The following ROBO2 variants were observed in gnomAD, a reference collection of about 807,000 sequenced individuals.
The protein encoded by ROBO2 is roundabout homolog 2.
ROBO2 carries 53 observed loss-of-function variants against 160.8 expected under a neutral mutation model. That is an observed-to-expected ratio of 0.33 (90% confidence interval 0.26 to 0.41). The LOEUF is 0.41. Ranked by LOEUF, ROBO2 falls within the 10% of genes least tolerant of loss-of-function variation. ROBO2 has a pLI of 1.00. For missense variants in ROBO2, 1,577 were observed against 1,722.4 expected (o/e 0.92, Z 1.49); for synonymous variants, 664 against 611.7 (o/e 1.09, Z -1.26).
At chr3:76,233,850 G>T (rs2107482857) in intron 2 of ROBO2, among the ~76,000 whole-genome samples, 1 of 152,250 alleles carries the variant, frequency 6.6e-6, no homozygotes, top group South Asian at 2.1e-4. Context: ...AGGGTTACAT[G>T]TGCAGCTTTG....
intron 2 of ROBO2, among the ~76,000 whole-genome samples, chr3:76,452,421 G>A (rs903691276): frequency 4.6e-5 from 7 of 151,868 alleles, no homozygotes; most frequent in Non-Finnish European, 8.8e-5. Context: ...GAGAACATGC[G>A]GTGTTTGTTT....
intron 2 of ROBO2, among the ~76,000 whole-genome samples, chr3:76,919,270 A>G (rs2076521582): frequency 6.6e-6 from 1 of 152,190 alleles, no homozygotes. Flanking sequence ...ACAATTTTTG[A>G]TAATTTTCCA....
At chr3:76,900,781 T>C (rs113191183) in intron 2 of ROBO2, among the ~76,000 whole-genome samples, 2 of 152,314 alleles carry the variant, frequency 1.3e-5, no homozygotes, top group African/African-American at 4.8e-5. Context: ...AAGCCTGGAA[T>C]TTCCAAGTTC....
chr3:77,242,166 G>A (rs2089143100), intron 2 of ROBO2, among the ~76,000 whole-genome samples: 1 of 152,106 alleles, frequency 6.6e-6, no homozygotes, highest in Admixed American at 6.6e-5. Context: ...CACATTTGAA[G>A]TAAGATTGGA....
intron 2 of ROBO2, among the ~76,000 whole-genome samples, chr3:76,033,579 CATT>C (rs1372348221): frequency 2.6e-5 from 4 of 152,204 alleles, no homozygotes; most frequent in Non-Finnish European, 5.9e-5. Context: ...TTTTACTACT[CATT>C]GTTATTTATA....
chr3:76,096,019 C>G (rs999065897), intron 2 of ROBO2, among the ~76,000 whole-genome samples: 2 of 152,100 alleles, frequency 1.3e-5, no homozygotes, highest in Non-Finnish European at 2.9e-5. Context: ...AGAATATCCT[C>G]ATAAGGTATA....
chr3:76,512,782 C>T (rs1411014603), intron 2 of ROBO2, among the ~76,000 whole-genome samples: 1 of 152,036 alleles, frequency 6.6e-6, no homozygotes, highest in Non-Finnish European at 1.5e-5. Context: ...GACTTGGGTT[C>T]CATCCTCAAA....
intron 2 of ROBO2, among the ~76,000 whole-genome samples, chr3:76,365,704 G>A (rs2075776133): frequency 6.6e-6 from 1 of 152,014 alleles, no homozygotes; most frequent in Admixed American, 6.6e-5. Context: ...TCCATAAAAT[G>A]TATTGCAAAT....
At chr3:77,351,915 G>A (rs543603874) in intron 2 of ROBO2, among the ~76,000 whole-genome samples, 1 of 151,768 alleles carries the variant, frequency 6.6e-6, no homozygotes, top group African/African-American at 2.4e-5. Flanking sequence ...CATGGACACA[G>A]GAAGGGGAAC....
intron 2 of ROBO2, among the ~76,000 whole-genome samples, chr3:76,389,495 A>G (rs991978553): frequency 3.9e-5 from 6 of 152,248 alleles, no homozygotes; most frequent in African/African-American, 1.4e-4. Context: ...GGAAGATACC[A>G]TCTTGAACTA....
chr3:76,807,769 T>C (rs1298800712), intron 2 of ROBO2, among the ~76,000 whole-genome samples: 1 of 152,110 alleles, frequency 6.6e-6, no homozygotes, highest in Non-Finnish European at 1.5e-5. Context: ...CAGTTATATG[T>C]ATTCTAAAGA....
At chr3:77,436,197 G>C (rs1043109821) in intron 2 of ROBO2, among the ~76,000 whole-genome samples, 1 of 151,510 alleles carries the variant, frequency 6.6e-6, no homozygotes. Flanking sequence ...ATATTGGGCT[G>C]ATGAGAGATT....
chr3:77,353,028 A>G (rs923432573), intron 2 of ROBO2, among the ~76,000 whole-genome samples: 1 of 152,212 alleles, frequency 6.6e-6, no homozygotes, highest in African/African-American at 2.4e-5. Context: ...TATCCACAGA[A>G]TTATTTTTAG....
At chr3:77,141,834 C>T (rs1646423134) in intron 2 of ROBO2, among the ~76,000 whole-genome samples, 2 of 152,170 alleles carry the variant, frequency 1.3e-5, no homozygotes, top group South Asian at 4.1e-4. Flanking sequence ...ATTTCTGCTA[C>T]ATCCTTGGGT....
intron 2 of ROBO2, among the ~76,000 whole-genome samples, chr3:76,879,613 C>A (rs2073139728): frequency 6.6e-6 from 1 of 151,902 alleles, no homozygotes; most frequent in African/African-American, 2.4e-5. Flanking sequence ...AAGATCAAAG[C>A]AAACAAACAC....
intron 2 of ROBO2, among the ~76,000 whole-genome samples, chr3:76,366,861 A>G (rs2075838770): frequency 6.6e-6 from 1 of 152,002 alleles, no homozygotes; most frequent in Non-Finnish European, 1.5e-5. Flanking sequence ...AGATTGCTTT[A>G]TATAGCATTA....
intron 2 of ROBO2, among the ~76,000 whole-genome samples, chr3:76,913,203 A>G (rs546926103): frequency 2.0e-5 from 3 of 152,300 alleles, no homozygotes; most frequent in Non-Finnish European, 4.4e-5. Flanking sequence ...CCCTCCCCAT[A>G]AAACTGCCCG....
chr3:77,621,430 A>G (rs1039576404), intron 22 of ROBO2, among the ~76,000 whole-genome samples: 3 of 140,804 alleles, frequency 2.1e-5, no homozygotes, highest in African/African-American at 7.9e-5. Flanking sequence ...CTTCTCTCCA[A>G]AAAATTAAAT....
chr3:75,984,770 A>T (rs57006746), intron 2 of ROBO2, among the ~76,000 whole-genome samples: 2,445 of 151,538 alleles, frequency 0.016, 64 homozygotes, highest in African/African-American at 0.056. Context: ...AAGACCTGAA[A>T]ATCCAACCCA....
Sources: gnomAD v4.1 joint callset for allele counts (sites outside exome capture counted in the v4.1 genomes callset) on GRCh38, gnomAD v4.1.1 for gene constraint, MANE v1.5 for transcripts, NCBI Gene and HGNC (gene_info 2026-07-23, HGNC 2026-07-21) for gene names.